The following BICRA variants were observed in gnomAD, a reference collection of about 807,000 sequenced individuals.
BICRA encodes the protein BRD4 interacting chromatin remodeling complex associated protein.
BICRA carries 31 observed loss-of-function variants against 96.9 expected under a neutral mutation model. That is an observed-to-expected ratio of 0.32 (90% CI 0.24 to 0.43). BICRA has a LOEUF of 0.43. Ranked by LOEUF, BICRA falls within the 20% of genes least tolerant of loss-of-function variation. The pLI, the probability that BICRA is intolerant of heterozygous loss-of-function variation, is 1.00. For synonymous variants in BICRA, 1,350 were observed against 1,071.8 expected (o/e 1.26, Z -5.07); for missense variants, 2,283 against 2,190.3 (o/e 1.04, Z -0.84).
chr19:47,697,635 A>C (rs1973368211), intron 11 of BICRA, among the ~76,000 whole-genome samples: 1 of 151,926 alleles, frequency 6.6e-6, no homozygotes, highest in African/African-American at 2.4e-5. Flanking sequence ...ATGCCACCAC[A>C]CCTGCCTAAT....
At chr19:47,695,342 T>TCGGGGGGGGCGCC in intron 9 of BICRA, 23 bp from the exon 10 acceptor site, 1 of 630,200 alleles carries the variant, frequency 1.6e-6, no homozygotes, top group Non-Finnish European at 2.8e-6. Flanking sequence ...AGGCCCTGTC[T>TCGGGGGGGGCGCC]CCCCCACCCC....
At chr19:47,610,370 A>AGGCTCG (rs1198721707) in intron 1 of BICRA, among the ~76,000 whole-genome samples, 1 of 152,190 alleles carries the variant, frequency 6.6e-6, no homozygotes, top group Non-Finnish European at 1.5e-5. Flanking sequence ...CGGGAGAGCT[A>AGGCTCG]GGCTCGGGCT....
intron 1 of BICRA, among the ~76,000 whole-genome samples, chr19:47,623,862 T>TGAGACC (rs1972101051): frequency 2.9e-5 from 4 of 138,524 alleles, no homozygotes; most frequent in Non-Finnish European, 5.0e-5. Flanking sequence ...TTTTTTTTTT[T>TGAGACC]GAGACTGAGA....
At chr19:47,619,243 T>TC (rs1972029015) in intron 1 of BICRA, among the ~76,000 whole-genome samples, 1 of 148,514 alleles carries the variant, frequency 6.7e-6, no homozygotes. Context: ...CTTTTTTTTT[T>TC]CCTTTTTTTT....
In BICRA at chr19:47,698,106, G is replaced by A. The variant is rs563377011; in HGVS notation, c.3249-528G>A. Among the ~76,000 whole-genome samples the A allele has an allele frequency of 1.3e-5, 2 of 152,346 alleles. No individual in the cohort carries two copies. Among genetic ancestry groups the A allele is most frequent in the African/African-American group, 4.8e-5 (2 of 41,586 alleles). On this transcript the variant is annotated intron_variant, in intron 11 of 14. Coordinates refer to ENST00000594866, the MANE Select transcript of BICRA (RefSeq NM_001394372.1). This position sits in a 1 kb window ranked among gnomAD's most constrained non-coding sequence, Gnocchi z 4.8. The stretch of plus-strand genomic sequence containing the variant: ...AGTCCCTGCCCCCACAGTGCAGAGA[G>A]GCTGCTGGTTTTTAGCCGAGGGTGG...
chr19:47,608,858 G>A (rs1466998211), upstream of BICRA, among the ~76,000 whole-genome samples: 1 of 148,424 alleles, frequency 6.7e-6, no homozygotes, highest in African/African-American at 2.5e-5. Context: ...GGAGGAGGAG[G>A]AAGGGGGTGG....
At chr19:47,655,252 G>A (rs369079805) in intron 1 of BICRA, among the ~76,000 whole-genome samples, 33 of 152,068 alleles carry the variant, frequency 2.2e-4, no homozygotes, top group African/African-American at 7.2e-4. Flanking sequence ...TTGGCCAGGC[G>A]TGGTGGCTCT....
At chr19:47,683,337 C>T (rs538424765) in intron 7 of BICRA, among the ~76,000 whole-genome samples, 3 of 151,976 alleles carry the variant, frequency 2.0e-5, no homozygotes, top group Admixed American at 6.6e-5. Context: ...AAAATAGTAT[C>T]TTGTTTTGTT....
At chr19:47,663,662 T>C (rs1972734854) in intron 1 of BICRA, 2 of 152,190 alleles carry the variant, frequency 1.3e-5, no homozygotes, top group African/African-American at 4.8e-5. Flanking sequence ...CTGTGGTTAC[T>C]CTAACTGCAA....
At position 47,609,908 on chromosome 19, in the gene BICRA, AG is replaced by A. The variant is rs566377691; in HGVS notation, c.-108+742del. 2.5e-4 allele frequency among the ~76,000 whole-genome samples: 38 copies of A among 151,996 alleles called. No homozygotes were observed. In the East Asian group the frequency reaches 7.4e-3, roughly 30 times the overall value. ...ACCCCCAGCCCCCGGCAATAGAGGG[AG>A]GTGACCCCCTCCCCCACCCCCAGCT... is the stretch of plus-strand genomic sequence containing the variant. On this transcript the variant is annotated intron_variant, in intron 1 of 14. Coordinates refer to ENST00000594866, the MANE Select transcript of BICRA (RefSeq NM_001394372.1).
intron 7 of BICRA, among the ~76,000 whole-genome samples, chr19:47,684,388 G>A (rs935052315): frequency 6.6e-6 from 1 of 152,204 alleles, no homozygotes; most frequent in African/African-American, 2.4e-5. Flanking sequence ...CACCATGTTG[G>A]CCAAGCTGGT....
chr19:47,691,822 A>G (rs1486403539), intron 7 of BICRA, among the ~76,000 whole-genome samples: 4 of 152,082 alleles, frequency 2.6e-5, no homozygotes, highest in African/African-American at 9.7e-5. Context: ...TGGCCTCCCA[A>G]AGTGCTGGGA....
chr19:47,675,893 A>C lies in BICRA; in HGVS notation c.127A>C (p.Ser43Arg). 1 of 1,608,600 alleles carries C rather than the reference A, an allele frequency of 6.2e-7. No individual in the cohort carries two copies. The highest frequency in any genetic ancestry group is 8.5e-7 in the Non-Finnish European group (1 of 1,177,394). ...CCTGGATAATCCCGGGGAGGCCCAA[A>C]GTGCCTTCTATGAAGGTCCTGGGGT... ...DLLDNPGEAQSAFYEGPGLHV... is the reference protein window; with the variant it reads ...DLLDNPGEAQRAFYEGPGLHV... Residue 43 changes from serine to arginine, a missense_variant, in exon 5 of 15, where the codon AGT (serine) becomes CGT (arginine). Physicochemically the swap from Ser to Arg is moderately radical, Grantham distance 110. Transcript: ENST00000594866. This position sits in a 1 kb window ranked among gnomAD's most constrained non-coding sequence, Gnocchi z 4.7.
In BICRA at chr19:47,695,013, G is replaced by T. The variant is rs997949720; in HGVS notation, c.3009G>T (p.Gly1003=). ...TSPAASVLVS[G]QAPSGTPTAP... Reference sequence around the variant, plus strand: ...CCGCTGCGTCTGTGCTGGTCAGTGGGCAGGCCCCATCTGGGACCCCCACTG... The same window carrying T: ...CCGCTGCGTCTGTGCTGGTCAGTGGTCAGGCCCCATCTGGGACCCCCACTG... The change falls in exon 9 of 15, where the codon GGG becomes GGT. Residue 1003 remains glycine (G), a synonymous_variant. Transcript: ENST00000594866. The T allele has an allele frequency of 6.6e-7, 1 of 1,525,364 alleles. No homozygotes were observed. The highest frequency in any genetic ancestry group is 8.7e-7 in the Non-Finnish European group (1 of 1,147,316). 94.5% of individuals were successfully genotyped at this position (1,525,364 alleles called of 1,614,324 possible).
Position 47,680,666 on chromosome 19 carries a change from C to A in BICRA, c.1496C>A (p.Ala499Glu). ...GCCAACGTGGGCGGGCAGATCCTGG[C>A]GGCCGCTGCCCCCCACACAGGTGGA... ...LPANVGGQILAAAAPHTGGQL... is the reference protein window; with the variant it reads ...LPANVGGQILEAAAPHTGGQL... The change falls in exon 6 of 15, where the codon GCG becomes GAG. Residue 499 changes from alanine to glutamate, a missense_variant. By Grantham distance (107) the Ala-to-Glu change is moderately radical. Transcript: ENST00000594866. The A allele has an allele frequency of 1.2e-6, 2 of 1,605,480 alleles. No homozygotes were observed. The highest frequency in any genetic ancestry group is 1.1e-5 in the South Asian group (1 of 90,214).
chr19:47,659,730 ACACG>A (rs763999777), intron 1 of BICRA, among the ~76,000 whole-genome samples: 1 of 112,098 alleles, frequency 8.9e-6, no homozygotes, highest in Non-Finnish European at 2.0e-5. Context: ...ACACACACAC[ACACG>A]TTCTCTTCTC....
At position 47,699,450 on chromosome 19, in the gene BICRA, A is replaced by G; in HGVS notation, c.3595+45A>G. The stretch of plus-strand genomic sequence containing the variant: ...GGGGAGGGGAGGGAGAGGTGCCCCC[A>G]CCCCACCTGGGCAGAAGAGTTAGAT... On this transcript the variant is annotated intron_variant, in intron 14 of 14. Transcript: ENST00000594866. This position sits in a 1 kb window ranked among gnomAD's most constrained non-coding sequence, Gnocchi z 5.0. 1 of 1,088,394 alleles carries G rather than the reference A, an allele frequency of 9.2e-7. No individual in the cohort carries two copies. Among genetic ancestry groups the G allele is most frequent in the Non-Finnish European group, 1.4e-6 (1 of 725,644 alleles). 67.4% of individuals were successfully genotyped at this position (1,088,394 alleles called of 1,614,324 possible).
In BICRA at chr19:47,699,141, G is replaced by A. The variant is rs1973399406; in HGVS notation, c.3492+82G>A. 1 of 1,088,200 alleles carries A rather than the reference G, an allele frequency of 9.2e-7. No individual in the cohort carries two copies. Among genetic ancestry groups the A allele is most frequent in the Non-Finnish European group, 1.4e-6 (1 of 729,700 alleles). The allele number at this position is 1,088,200 out of a possible 1,614,324, so 67.4% of individuals were successfully genotyped here. A position where few individuals can be genotyped will look rare whatever the true frequency, so the allele number is the denominator to read the frequency against. ...CTTTCCCTCACCCGCTCTGGGCAAG[G>A]TGGAGCCTCCCGCCCCTCCTAGCCC... On this transcript the variant is annotated intron_variant, in intron 13 of 14. Coordinates refer to ENST00000594866, the MANE Select transcript of BICRA (RefSeq NM_001394372.1). This position sits in a 1 kb window ranked among gnomAD's most constrained non-coding sequence, Gnocchi z 5.0.
At chr19:47,670,825 G>A (rs1355264777) in intron 2 of BICRA, among the ~76,000 whole-genome samples, 1 of 152,166 alleles carries the variant, frequency 6.6e-6, no homozygotes, top group Non-Finnish European at 1.5e-5. Flanking sequence ...TTCTGTGAGC[G>A]GGTTGGGGAG....
Sources: allele counts gnomAD v4.1 joint callset (sites outside exome capture counted in the v4.1 genomes callset), GRCh38; gene constraint gnomAD v4.1.1; non-coding constraint Gnocchi (gnomAD v3.1); transcripts MANE v1.5; gene names NCBI Gene and HGNC (gene_info 2026-07-23, HGNC 2026-07-21).